The following PASD1 variants were observed in gnomAD, a reference collection of about 807,000 sequenced individuals.
The protein encoded by PASD1 is PAS domain containing repressor 1.
A neutral mutation model predicts 58.8 loss-of-function variants in PASD1; 13 were observed. The ratio of observed to expected loss-of-function variants is 0.22; its 90% confidence interval spans 0.14 to 0.35. The LOEUF is 0.35. Ranked by LOEUF, PASD1 falls within the 10% of genes least tolerant of loss-of-function variation. The pLI, the probability that PASD1 is intolerant of heterozygous loss-of-function variation, is 1.00. For missense variants in PASD1, 734 were observed against 568.3 expected, an observed-to-expected ratio of 1.29 and a Z score of -2.96; for synonymous variants, 236 against 216.7, an observed-to-expected ratio of 1.09 and a Z score of -0.78.
intron 8 of PASD1, among the ~76,000 whole-genome samples, chrX:151,644,450 A>G (rs1470326305): frequency 1.8e-5 from 2 of 112,174 alleles, no homozygotes; most frequent in Non-Finnish European, 3.8e-5. Flanking sequence ...TAGTCTGCTC[A>G]TCTTAACACT....
intron 10 of PASD1, among the ~76,000 whole-genome samples, chrX:151,662,946 CTTTA>C (rs982831457): frequency 5.4e-5 from 6 of 111,792 alleles, no homozygotes; most frequent in African/African-American, 1.3e-4. Context: ...GCGTTAGCTT[CTTTA>C]TTTCTCACCC....
At chrX:151,634,490 G>A (rs943495787) in intron 8 of PASD1, among the ~76,000 whole-genome samples, 5 of 110,271 alleles carry the variant, frequency 4.5e-5, no homozygotes, top group African/African-American at 1.7e-4. Context: ...GTTATCTTTT[G>A]TAGCTTTTTT....
intron 3 of PASD1, among the ~76,000 whole-genome samples, chrX:151,610,186 G>T (rs773636007): frequency 1.4e-3 from 151 of 111,087 alleles, no homozygotes; most frequent in Non-Finnish European, 2.4e-3. Flanking sequence ...TCAGACATAT[G>T]TTGGACTTTC....
At chrX:151,646,337 CAT>C (rs1207734225) in intron 8 of PASD1, among the ~76,000 whole-genome samples, 1 of 112,256 alleles carries the variant, frequency 8.9e-6, no homozygotes, top group Non-Finnish European at 1.9e-5. Context: ...TGCTTCACAA[CAT>C]ATTGCTGTCA....
chrX:151,646,815 A>T (rs1210758717), intron 8 of PASD1, among the ~76,000 whole-genome samples: 1 of 112,887 alleles, frequency 8.9e-6, no homozygotes. Flanking sequence ...CTTAGCAAAT[A>T]TCCATTAAGC....
Position 151,611,773 on chromosome X carries a change from G to A in PASD1, c.207+20G>A. 1 of 1,114,626 alleles carries A rather than the reference G, an allele frequency of 9.0e-7. No individual in the cohort carries two copies. The highest frequency in any genetic ancestry group is 1.2e-6 in the Non-Finnish European group (1 of 815,047). 91.9% of individuals were successfully genotyped at this position (1,114,626 alleles called of 1,213,427 possible). ...TTACCAGTAAGTTCTTTCTACTTTT[G>A]GGAAAGTGGATCATTCTGGTTTGTT... On this transcript the variant is annotated intron_variant, in intron 4 of 15. Coordinates refer to ENST00000370357, the MANE Select transcript of PASD1 (RefSeq NM_173493.3).
intron 4 of PASD1, among the ~76,000 whole-genome samples, chrX:151,614,391 T>G (rs35577445): frequency 0.39 from 42,696 of 110,303 alleles, 6,191 homozygotes; most frequent in African/African-American, 0.45. Flanking sequence ...AATATATAAA[T>G]TTTTGGGGGA....
At chrX:151,586,927 A>G in intron 1 of PASD1, among the ~76,000 whole-genome samples, 1 of 111,677 alleles carries the variant, frequency 9.0e-6, no homozygotes, top group Non-Finnish European at 1.9e-5. Context: ...TGAATTGCTG[A>G]GATTTCAGAA....
intron 1 of PASD1, among the ~76,000 whole-genome samples, chrX:151,581,120 C>T (rs1175893575): frequency 1.9e-5 from 2 of 106,049 alleles, no homozygotes; most frequent in African/African-American, 6.9e-5. Flanking sequence ...CCCAGCTACT[C>T]GGGAGGCTGA....
chrX:151,599,425 A>G (rs1179969051), intron 1 of PASD1, among the ~76,000 whole-genome samples: 1 of 108,333 alleles, frequency 9.2e-6, no homozygotes, highest in East Asian at 3.0e-4. Context: ...CACCTCCCGG[A>G]CGGGGCGGCT....
chrX:151,565,558 CTTTT>C (rs745371329), intron 1 of PASD1, among the ~76,000 whole-genome samples: 1 of 84,129 alleles, frequency 1.2e-5, no homozygotes, highest in Non-Finnish European at 2.3e-5. Flanking sequence ...TTTTTCCTTA[CTTTT>C]TTTTTTTTTT....
At chrX:151,653,867 CCTCTTTCTTTCTTTCT>C (rs1569413868) in intron 9 of PASD1, among the ~76,000 whole-genome samples, 3 of 19,867 alleles carry the variant, frequency 1.5e-4, no homozygotes, top group African/African-American at 4.4e-4. Flanking sequence ...TCCCTCCCTC[CCTCTTTCTTTCTTTCT>C]TTCTTTCTTT....
Position 151,672,230 on chromosome X carries a change from G to C in PASD1, c.1485G>C (p.Gln495His). ...QEQHLKEQQR[Q>H]LREQLQQLRE... Reference sequence around the variant, plus strand: ...AACACCTGAAGGAGCAGCAGCGGCAGCTGCGGGAGCAGCTGCAACAGCTGA... The same window carrying C: ...AACACCTGAAGGAGCAGCAGCGGCACCTGCGGGAGCAGCTGCAACAGCTGA... The change falls in exon 14 of 16, where the codon CAG (glutamine) becomes CAC (histidine). Residue 495 changes from glutamine to histidine, a missense_variant. Gln to His is a conservative substitution (Grantham distance 24, BLOSUM62 0). Coordinates refer to ENST00000370357, the MANE Select transcript of PASD1 (RefSeq NM_173493.3). 1 of 1,138,670 alleles carries C rather than the reference G, an allele frequency of 8.8e-7. No homozygotes were observed. Among genetic ancestry groups the C allele is most frequent in the South Asian group, 2.0e-5 (1 of 51,211 alleles). 93.8% of individuals were successfully genotyped at this position (1,138,670 alleles called of 1,213,427 possible). A position where few individuals can be genotyped will look rare whatever the true frequency, so the allele number is the denominator to read the frequency against.
In PASD1 at chrX:151,676,358, T is replaced by A; in HGVS notation, c.*215T>A. 1 of 366,445 alleles carries A rather than the reference T, an allele frequency of 2.7e-6. No homozygotes were observed. 30.2% of individuals were successfully genotyped at this position (366,445 alleles called of 1,213,427 possible). A position where few individuals can be genotyped will look rare whatever the true frequency, so the allele number is the denominator to read the frequency against. On this transcript the variant is annotated 3_prime_UTR_variant, in exon 16 of 16. Transcript: ENST00000370357. ...TGCTGTAGAGGCAGCCTGTGATCCG[T>A]AGTATGCTAGGGTGTGACAGCAGCC...
chrX:151,580,508 C>CTTTTTTTTTTTT (rs200293926), intron 1 of PASD1, among the ~76,000 whole-genome samples: 1 of 67,174 alleles, frequency 1.5e-5, no homozygotes, highest in Non-Finnish European at 3.0e-5. Context: ...TTCTTTTTTT[C>CTTTTTTTTTTTT]TTTTTTTTTT....
In PASD1 at chrX:151,671,108, A is replaced by C; in HGVS notation, c.1142A>C (p.Lys381Thr). The change falls in exon 12 of 16, where the codon AAG (lysine) becomes ACG (threonine). Residue 381 changes from lysine (K) to threonine (T), a missense_variant. Lys to Thr is a moderately conservative substitution (Grantham distance 78, BLOSUM62 -1). Transcript: ENST00000370357. ...GAACTGGAACTGATGAAGAAGTTGA[A>C]GGAGCAGCTAGAAGAGAGGACTTGG... ...SQELELMKKL[K>T]EQLEERTWLL... is the part of the protein sequence containing the mutation. The C allele has an allele frequency of 8.3e-7, 1 of 1,211,873 alleles. No homozygotes were observed. Among genetic ancestry groups the C allele is most frequent in the Non-Finnish European group, 1.1e-6 (1 of 895,415 alleles).
At position 151,584,840 on chromosome X, in the gene PASD1, A is replaced by G. The variant is rs193076314; in HGVS notation, c.-27-16687A>G. ...CACATCTCTTTGATTTTGGTATTCT[A>G]AATTCTCATTTCCTCTATTTTGTCA... On this transcript the variant is annotated intron_variant, in intron 1 of 15. Transcript: ENST00000370357. Among the ~76,000 whole-genome samples, 375 of 112,216 alleles carry G rather than the reference A, an allele frequency of 3.3e-3. 4 individuals carry two copies. The highest frequency in any genetic ancestry group is 0.012 in the African/African-American group (358 of 30,932).
At chrX:151,607,476 G>A (rs922291576) in intron 3 of PASD1, among the ~76,000 whole-genome samples, 12 of 111,341 alleles carry the variant, frequency 1.1e-4, no homozygotes, top group Non-Finnish European at 1.9e-4. Context: ...GGATAGCGAG[G>A]GTGAGGGGGA....
chrX:151,589,731 G>A (rs1375614677), intron 1 of PASD1, among the ~76,000 whole-genome samples: 1 of 111,818 alleles, frequency 8.9e-6, no homozygotes, highest in African/African-American at 3.3e-5. Context: ...TTCAACACTG[G>A]TGTCCACATT....
Sources: allele counts gnomAD v4.1 joint callset (sites outside exome capture counted in the v4.1 genomes callset), GRCh38; gene constraint gnomAD v4.1.1; transcripts MANE v1.5; gene names NCBI Gene and HGNC (gene_info 2026-07-23, HGNC 2026-07-21).